The following RRAS2 variants were observed in gnomAD, a reference collection of about 807,000 sequenced individuals.
RRAS2 encodes RAS related 2, also known as ras-related protein R-Ras2.
In RRAS2, 7 loss-of-function variants were observed where a neutral mutation model predicts 27.6. The observed-to-expected ratio is 0.25, with a 90% CI of 0.14 to 0.48. The LOEUF is 0.48. Among genes scored for constraint, RRAS2 ranks in the 20% least tolerant of loss-of-function variants. RRAS2 has a pLI of 0.99. For missense variants in RRAS2, 178 were observed against 256.2 expected (o/e 0.69, Z 2.08); for synonymous variants, 86 against 90.9 (o/e 0.95, Z 0.31).
chr11:14,287,781 A>C (rs1192331070), intron 4 of RRAS2, among the ~76,000 whole-genome samples: 1 of 150,430 alleles, frequency 6.6e-6, no homozygotes, highest in Non-Finnish European at 1.5e-5. Context: ...CTGAGGCAGG[A>C]GAATTGCTTG....
chr11:14,341,193 A>T (rs1848697280), intron 1 of RRAS2, among the ~76,000 whole-genome samples: 1 of 152,208 alleles, frequency 6.6e-6, no homozygotes. Flanking sequence ...TAAAGGAATA[A>T]ATTTCATGAG....
intron 1 of RRAS2, among the ~76,000 whole-genome samples, chr11:14,301,577 A>T (rs1380387773): frequency 1.3e-5 from 2 of 152,232 alleles, no homozygotes; most frequent in Admixed American, 1.3e-4. Flanking sequence ...AAGTAAAGTG[A>T]CCTGCTTAGT....
chr11:14,306,771 G>A (rs372158713), intron 1 of RRAS2, among the ~76,000 whole-genome samples: 1 of 151,742 alleles, frequency 6.6e-6, no homozygotes, highest in African/African-American at 2.4e-5. Flanking sequence ...CTATCACACT[G>A]AGCTTCAGCC....
In RRAS2 at chr11:14,288,471, C is replaced by T. The variant is rs36037455; in HGVS notation, c.408+6000G>A. On this transcript the variant is annotated intron_variant, in intron 4 of 5. Coordinates refer to ENST00000256196, the MANE Select transcript of RRAS2 (RefSeq NM_012250.6). The stretch of plus-strand genomic sequence containing the variant: ...ATAAAAGACAAAAAGGACAACATAC[C>T]GGAACAGAGCCATAGCACTGTGGAA... 8.7e-3 allele frequency among the ~76,000 whole-genome samples: 1,323 copies of T among 152,206 alleles called. 10 individuals are homozygous for T. Among genetic ancestry groups the T allele is most frequent in the Non-Finnish European group, 0.014 (941 of 68,018 alleles).
intron 1 of RRAS2, among the ~76,000 whole-genome samples, chr11:14,319,526 T>C (rs1324331942): frequency 6.6e-6 from 1 of 151,702 alleles, no homozygotes; most frequent in Non-Finnish European, 1.5e-5. Flanking sequence ...GCCCGGCTAA[T>C]TTTTTGTATT....
intron 1 of RRAS2, among the ~76,000 whole-genome samples, chr11:14,345,819 A>T (rs1000772036): frequency 6.6e-6 from 1 of 152,182 alleles, no homozygotes; most frequent in Admixed American, 6.6e-5. Context: ...AAGCTCTCCA[A>T]CGTCAACTTG....
intron 1 of RRAS2, among the ~76,000 whole-genome samples, chr11:14,353,627 C>T (rs932205444): frequency 6.6e-6 from 1 of 151,220 alleles, no homozygotes. Flanking sequence ...CACTCAATTC[C>T]TACAACTTCC....
Position 14,359,126 on chromosome 11 carries a change from A to G in RRAS2, c.-256T>C. The G allele has an allele frequency of 9.7e-7, 1 of 1,027,954 alleles. No individual in the cohort carries two copies. Among genetic ancestry groups the G allele is most frequent in the South Asian group, 4.6e-5 (1 of 21,616 alleles). 63.7% of individuals were successfully genotyped at this position (1,027,954 alleles called of 1,614,324 possible). The stretch of plus-strand genomic sequence containing the variant: ...CAGCGGCCGGGGGGCGCGCTCCTCT[A>G]CGCGTCTCCGCAGCGCCTGCCGAAC... On this transcript the variant is annotated 5_prime_UTR_variant, in exon 1 of 6. Coordinates refer to ENST00000256196, the MANE Select transcript of RRAS2 (RefSeq NM_012250.6).
At chr11:14,345,175 G>A (rs1174229409) in intron 1 of RRAS2, among the ~76,000 whole-genome samples, 3 of 151,656 alleles carry the variant, frequency 2.0e-5, no homozygotes, top group South Asian at 2.1e-4. Flanking sequence ...TAGTAGAGAC[G>A]AGGTTTCACC....
intron 1 of RRAS2, among the ~76,000 whole-genome samples, chr11:14,329,348 A>C (rs528965117): frequency 6.6e-6 from 1 of 152,288 alleles, no homozygotes; most frequent in South Asian, 2.1e-4. Flanking sequence ...TCCTGACCTC[A>C]AGTGATCCAC....
At chr11:14,349,797 T>G (rs1554954528) in intron 1 of RRAS2, among the ~76,000 whole-genome samples, 1 of 152,230 alleles carries the variant, frequency 6.6e-6, no homozygotes, top group Non-Finnish European at 1.5e-5. Flanking sequence ...CTAAATTAGT[T>G]GTTTTTCACT....
At chr11:14,321,524 G>A (rs189273610) in intron 1 of RRAS2, among the ~76,000 whole-genome samples, 2 of 152,312 alleles carry the variant, frequency 1.3e-5, no homozygotes, top group East Asian at 3.9e-4. Flanking sequence ...GCAAGTGGGA[G>A]TGGGGAGAGC....
chr11:14,358,862 C>T lies in RRAS2; in HGVS notation c.9G>A (p.Ala3=), dbSNP rs1180750835. Residue 3 remains alanine, a synonymous_variant, in exon 1 of 6, where the codon GCG becomes GCA. Coordinates refer to ENST00000256196, the MANE Select transcript of RRAS2 (RefSeq NM_012250.6). The surrounding 1 kb of genome is among the most constrained non-coding windows in gnomAD (Gnocchi z 5.1). The part of the protein sequence containing the change: MA[A]AGWRDGSGQE... Reference sequence around the variant, plus strand: ...GGCCGGAGCCGTCCCGCCAGCCGGCCGCGGCCATGGGGACGCTACAGAGCC... The same window carrying T: ...GGCCGGAGCCGTCCCGCCAGCCGGCTGCGGCCATGGGGACGCTACAGAGCC... 1.4e-6 allele frequency: 2 copies of T among 1,468,170 alleles called. No homozygotes were observed. The highest frequency in any genetic ancestry group is 1.2e-5 in the South Asian group (1 of 80,476). 90.9% of individuals were successfully genotyped at this position (1,468,170 alleles called of 1,614,324 possible).
chr11:14,311,374 A>G (rs1554948827), intron 1 of RRAS2, among the ~76,000 whole-genome samples: 1 of 152,004 alleles, frequency 6.6e-6, no homozygotes, highest in African/African-American at 2.4e-5. Flanking sequence ...ATAAAAAAGT[A>G]CTTTATTTTA....
chr11:14,353,503 C>T (rs1554955065), intron 1 of RRAS2, among the ~76,000 whole-genome samples: 4 of 151,876 alleles, frequency 2.6e-5, no homozygotes, highest in African/African-American at 7.3e-5. Context: ...GCTGGAGAAT[C>T]GCTTGAACCT....
At chr11:14,328,434 C>A (rs1398218176) in intron 1 of RRAS2, among the ~76,000 whole-genome samples, 1 of 148,670 alleles carries the variant, frequency 6.7e-6, no homozygotes, top group Non-Finnish European at 1.5e-5. Flanking sequence ...CAGGAAGACA[C>A]GTGTAAAAAC....
At chr11:14,328,985 A>ATG (rs201186500) in intron 1 of RRAS2, among the ~76,000 whole-genome samples, 7,695 of 139,504 alleles carry the variant, frequency 0.055, 246 homozygotes, top group African/African-American at 0.071. Flanking sequence ...TTTTATATAT[A>ATG]TGTGTGTGTG....
At chr11:14,343,419 T>G (rs1554953551) in intron 1 of RRAS2, among the ~76,000 whole-genome samples, 1 of 152,242 alleles carries the variant, frequency 6.6e-6, no homozygotes, top group Non-Finnish European at 1.5e-5. Context: ...ACCTCACCAT[T>G]CCTACTCCAT....
intron 1 of RRAS2, among the ~76,000 whole-genome samples, chr11:14,338,094 G>C: frequency 6.6e-6 from 1 of 152,004 alleles, no homozygotes; most frequent in East Asian, 1.9e-4. Flanking sequence ...ATTATAAACA[G>C]GAAAATAAAG....
Sources: allele counts gnomAD v4.1 joint callset (sites outside exome capture counted in the v4.1 genomes callset), GRCh38; gene constraint gnomAD v4.1.1; non-coding constraint Gnocchi (gnomAD v3.1); transcripts MANE v1.5; gene names NCBI Gene and HGNC (gene_info 2026-07-23, HGNC 2026-07-21).